TBX15: variants seen among roughly 807,000 people sequenced by gnomAD.
TBX15 encodes the protein T-box transcription factor 15, also known as T-box transcription factor TBX15.
In TBX15, 18 loss-of-function variants were observed where a neutral mutation model predicts 53.9. The ratio of observed to expected loss-of-function variants is 0.33; its 90% CI spans 0.23 to 0.49. The LOEUF (loss-of-function observed/expected upper bound fraction) is 0.49, where lower values mean the gene tolerates loss of function less well. Ranked by LOEUF, TBX15 falls within the 20% of genes least tolerant of loss-of-function variation. TBX15 has a pLI of 0.98. For synonymous variants in TBX15, 295 were observed against 278.0 expected, an observed-to-expected ratio of 1.06 and a Z score of -0.61; for missense variants, 692 against 749.5, an observed-to-expected ratio of 0.92 and a Z score of 0.90.
At chr1:118,956,198 T>C (rs1656684815) in intron 1 of TBX15, among the ~76,000 whole-genome samples, 1 of 152,182 alleles carries the variant, frequency 6.6e-6, no homozygotes, top group Non-Finnish European at 1.5e-5. Flanking sequence ...GTTTATAAGC[T>C]ACTCAGTTCA....
intron 2 of TBX15, among the ~76,000 whole-genome samples, chr1:118,927,345 C>T (rs925266914): frequency 1.3e-5 from 2 of 152,198 alleles, no homozygotes; most frequent in African/African-American, 4.8e-5. Context: ...TAGCAACTTA[C>T]ACTCTTCTTA....
At chr1:118,983,379 C>T (rs1453269251) in intron 1 of TBX15, among the ~76,000 whole-genome samples, 1 of 152,136 alleles carries the variant, frequency 6.6e-6, no homozygotes, top group Non-Finnish European at 1.5e-5. Context: ...GCGCCGGGGC[C>T]GGAGTTTTAC....
intron 6 of TBX15, among the ~76,000 whole-genome samples, chr1:118,909,544 C>A (rs1654956816): frequency 6.6e-6 from 1 of 151,652 alleles, no homozygotes; most frequent in Non-Finnish European, 1.5e-5. Flanking sequence ...CCATGGATAT[C>A]TCTGTTTTGT....
chr1:118,985,745 C>A (rs1205305055), intron 1 of TBX15, among the ~76,000 whole-genome samples: 2 of 152,192 alleles, frequency 1.3e-5, no homozygotes, highest in South Asian at 2.1e-4. Flanking sequence ...AATGACCAAC[C>A]GAACTCTGTT....
At chr1:118,914,254 A>T in intron 5 of TBX15, 75 bp from the exon 6 acceptor site, 1 of 1,361,386 alleles carries the variant, frequency 7.3e-7, no homozygotes, top group East Asian at 2.3e-5. Flanking sequence ...GAAAATTACA[A>T]AAATCACTTT....
At chr1:118,923,752 C>T in intron 4 of TBX15, 149 bp from the exon 5 acceptor site, 1 of 878,924 alleles carries the variant, frequency 1.1e-6, no homozygotes, top group Non-Finnish European at 1.8e-6. Flanking sequence ...AGTATACTTG[C>T]CCAGGAAGAA....
chr1:118,893,301 GGAA>G (rs1654224553), intron 7 of TBX15, among the ~76,000 whole-genome samples: 1 of 117,988 alleles, frequency 8.5e-6, no homozygotes, highest in Non-Finnish European at 1.7e-5. Flanking sequence ...AAGGAAGGAA[GGAA>G]GGAAGGAAGG....
intron 1 of TBX15, among the ~76,000 whole-genome samples, chr1:118,933,948 A>G (rs1323510190): frequency 6.6e-6 from 1 of 152,144 alleles, no homozygotes; most frequent in Non-Finnish European, 1.5e-5. Flanking sequence ...GATTTCTCCA[A>G]TGTATGTTTA....
At chr1:118,958,210 G>A (rs961856725) in intron 1 of TBX15, among the ~76,000 whole-genome samples, 2 of 152,110 alleles carry the variant, frequency 1.3e-5, no homozygotes, top group Admixed American at 1.3e-4. Context: ...TGGTCCAGTG[G>A]GATTAGTGCC....
chr1:118,903,445 C>T (rs1379454278), intron 6 of TBX15, among the ~76,000 whole-genome samples: 1 of 152,004 alleles, frequency 6.6e-6, no homozygotes, highest in African/African-American at 2.4e-5. Flanking sequence ...ATTTCATGAC[C>T]CTACTTGGTA....
chr1:118,987,904 G>A lies in TBX15; in HGVS notation c.-109C>T. 4 of 1,375,722 alleles carry A rather than the reference G, an allele frequency of 2.9e-6. No homozygotes were observed. The highest frequency in any genetic ancestry group is 3.9e-6 in the Non-Finnish European group (4 of 1,015,756). 85.2% of individuals were successfully genotyped at this position (1,375,722 alleles called of 1,614,324 possible). On this transcript the variant is annotated 5_prime_UTR_variant, in exon 1 of 8. The change creates a new upstream start codon in the 5' untranslated region. Transcript: ENST00000369429. Reference sequence around the variant, plus strand: ...CCCGGCCCGGGAGAGGCGGAGGCGCGTCGGACGAGGCTGAGACTGCGGCTC... The same window carrying A: ...CCCGGCCCGGGAGAGGCGGAGGCGCATCGGACGAGGCTGAGACTGCGGCTC...
chr1:118,934,314 T>C (rs1312709093), intron 1 of TBX15, among the ~76,000 whole-genome samples: 1 of 152,106 alleles, frequency 6.6e-6, no homozygotes, highest in Non-Finnish European at 1.5e-5. Flanking sequence ...TTTAAAACTC[T>C]TTGAACAAGA....
intron 6 of TBX15, among the ~76,000 whole-genome samples, chr1:118,904,793 C>T (rs1319550022): frequency 2.0e-5 from 3 of 152,274 alleles, no homozygotes; most frequent in African/African-American, 7.2e-5. Context: ...TTCAGTAATG[C>T]TAAAATCACA....
chr1:118,884,467 C>A lies in TBX15; in HGVS notation c.*265G>T. The A allele has an allele frequency of 1.9e-6, 1 of 521,522 alleles. No individual in the cohort carries two copies. The highest frequency in any genetic ancestry group is 3.4e-6 in the Non-Finnish European group (1 of 290,304). 32.3% of individuals were successfully genotyped at this position (521,522 alleles called of 1,614,324 possible). ...GATTATTCAGTCTCTTCAAAGGCCA[C>A]TCTGGAACAGACAATGCTTTATAAA... On this transcript the variant is annotated 3_prime_UTR_variant, in exon 8 of 8. Transcript: ENST00000369429.
At chr1:118,949,109 A>G (rs1656433846) in intron 1 of TBX15, among the ~76,000 whole-genome samples, 2 of 152,304 alleles carry the variant, frequency 1.3e-5, no homozygotes, top group East Asian at 3.9e-4. Context: ...ATCCAAGCTC[A>G]TAGGGAAGAG....
Position 118,884,328 on chromosome 1 carries a change from ATATG to A in TBX15, c.*400_*403del, listed in dbSNP as rs1342944401. ...TTGCATGTGTATGAATTGTGTATGA[ATATG>A]TATGTGTGTGTGCACGTATGTATAG... On this transcript the variant is annotated 3_prime_UTR_variant, in exon 8 of 8. Coordinates refer to ENST00000369429, the MANE Select transcript of TBX15 (RefSeq NM_001330677.2). 4.1e-6 allele frequency: 1 copy of A among 244,252 alleles called. No homozygotes were observed. The highest frequency in any genetic ancestry group is 8.1e-6 in the Non-Finnish European group (1 of 124,134). The allele number at this position is 244,252 out of a possible 1,614,324, so 15.1% of individuals were successfully genotyped here.
chr1:118,944,515 AGTGTCCTTCAAGT>A, intron 1 of TBX15, among the ~76,000 whole-genome samples: 1 of 152,324 alleles, frequency 6.6e-6, no homozygotes, highest in African/African-American at 2.4e-5. Context: ...TTGAAGAGAC[AGTGTCCTTCAAGT>A]GTGTCAGCAA....
chr1:118,939,431 A>C (rs1028918141), intron 1 of TBX15, among the ~76,000 whole-genome samples: 3 of 100,064 alleles, frequency 3.0e-5, no homozygotes, highest in East Asian at 3.2e-4. Context: ...AAAAAAAAAA[A>C]AAAAACAAAA....
intron 7 of TBX15, 83 bp downstream of exon 7, chr1:118,898,945 A>T: frequency 7.3e-7 from 1 of 1,378,340 alleles, no homozygotes; most frequent in Non-Finnish European, 1.0e-6. Context: ...TCTTGGCCTG[A>T]GGCCAGATGT....
Sources: allele counts gnomAD v4.1 joint callset (sites outside exome capture counted in the v4.1 genomes callset), GRCh38; gene constraint gnomAD v4.1.1; transcripts MANE v1.5; gene names NCBI Gene and HGNC (gene_info 2026-07-23, HGNC 2026-07-21).